The following ZNF90 variants were observed in gnomAD, a reference collection of about 807,000 sequenced individuals.
ZNF90 encodes the protein zinc finger protein 90, also known as zinc finger protein HTF9.
In ZNF90, 11 loss-of-function variants were observed where a neutral mutation model predicts 12.0. That is an observed-to-expected ratio of 0.92 (90% confidence interval 0.58 to 1.52). The LOEUF is 1.52. Among genes scored for constraint, ZNF90 ranks in the 40% most tolerant of loss-of-function variants. The pLI, the probability that ZNF90 is intolerant of heterozygous loss-of-function variation, is 0.00. For missense variants in ZNF90, 765 were observed against 711.5 expected (o/e 1.08, Z -0.86); for synonymous variants, 232 against 240.1 (o/e 0.97, Z 0.31).
intron 1 of ZNF90, among the ~76,000 whole-genome samples, chr19:20,079,306 G>C (rs1034520915): frequency 7.4e-6 from 1 of 135,950 alleles, no homozygotes; most frequent in Non-Finnish European, 1.6e-5. Context: ...CAAAAGGAGG[G>C]TTTTTTTTTT....
chr19:20,102,957 T>A (rs1036658733), intron 1 of ZNF90, among the ~76,000 whole-genome samples: 29 of 152,350 alleles, frequency 1.9e-4, no homozygotes, highest in African/African-American at 7.0e-4. Flanking sequence ...GTATAAAACA[T>A]GTTCCTTTAT....
chr19:20,118,322 G>A lies in ZNF90; in HGVS notation c.768G>A (p.Arg256=), dbSNP rs1555705981. 4 of 1,559,144 alleles carry A rather than the reference G, an allele frequency of 2.6e-6. No individual in the cohort carries two copies. The highest frequency in any genetic ancestry group is 2.6e-6 in the Non-Finnish European group (3 of 1,151,648). Residue 256 remains arginine, a synonymous_variant, in exon 4 of 4, where the codon CGG becomes CGA. Coordinates refer to ENST00000418063, the MANE Select transcript of ZNF90 (RefSeq NM_007138.2). ...AHKRIHTGEK[R]YKCEDCGKEL... ...AGAGAATTCATACTGGAGAGAAACG[G>A]TACAAATGTGAAGATTGTGGCAAAG...
At chr19:20,082,784 T>C (rs782022644) in intron 1 of ZNF90, among the ~76,000 whole-genome samples, 1 of 152,146 alleles carries the variant, frequency 6.6e-6, no homozygotes, top group Non-Finnish European at 1.5e-5. Flanking sequence ...GGAGGATTAG[T>C]AAAAGAGAAA....
chr19:20,089,747 TG>T (rs2088887337), intron 1 of ZNF90, among the ~76,000 whole-genome samples: 1 of 152,042 alleles, frequency 6.6e-6, no homozygotes, highest in Admixed American at 6.6e-5. Flanking sequence ...AGGGTAAAGT[TG>T]AGGGCTGTTA....
intron 3 of ZNF90, among the ~76,000 whole-genome samples, chr19:20,115,955 C>T (rs1024026403): frequency 3.3e-5 from 5 of 152,048 alleles, no homozygotes; most frequent in African/African-American, 1.2e-4. Flanking sequence ...CTGACTGCAA[C>T]CTCTGCCTCC....
At chr19:20,099,509 G>A (rs782028065) in intron 1 of ZNF90, among the ~76,000 whole-genome samples, 1 of 152,176 alleles carries the variant, frequency 6.6e-6, no homozygotes, top group Admixed American at 6.5e-5. Flanking sequence ...GTATGGTAAT[G>A]AAGATTTAAA....
At chr19:20,091,349 G>C (rs578170480) in intron 1 of ZNF90, among the ~76,000 whole-genome samples, 27 of 152,236 alleles carry the variant, frequency 1.8e-4, no homozygotes, top group African/African-American at 6.3e-4. Context: ...GGAAATGAGA[G>C]GTTCTAAGAG....
At chr19:20,080,385 T>C (rs915571853) in intron 1 of ZNF90, 9 of 421,584 alleles carry the variant, frequency 2.1e-5, no homozygotes, top group African/African-American at 1.9e-4. Flanking sequence ...GTATTTCTTC[T>C]TACCTCCCCA....
At chr19:20,103,548 C>T (rs2089006644) in intron 1 of ZNF90, among the ~76,000 whole-genome samples, 2 of 152,174 alleles carry the variant, frequency 1.3e-5, no homozygotes, top group Admixed American at 6.5e-5. Context: ...ATTTCTTTCA[C>T]TATAGAGTTA....
intron 1 of ZNF90, among the ~76,000 whole-genome samples, chr19:20,093,489 G>A (rs892696318): frequency 1.3e-5 from 2 of 152,112 alleles, no homozygotes; most frequent in African/African-American, 4.8e-5. Flanking sequence ...ATGAGAGGAA[G>A]ATGCGAAGGA....
At chr19:20,106,549 G>A (rs1568289234) in intron 3 of ZNF90, among the ~76,000 whole-genome samples, 1 of 152,180 alleles carries the variant, frequency 6.6e-6, no homozygotes. Flanking sequence ...CGCCTCCCAG[G>A]TTCACGCCAT....
Position 20,104,242 on chromosome 19 carries a change from C to T in ZNF90, c.7C>T (p.Pro3Ser), listed in dbSNP as rs1328585234. 3.7e-6 allele frequency: 6 copies of T among 1,613,644 alleles called. No individual in the cohort carries two copies. Among genetic ancestry groups the T allele is most frequent in the Non-Finnish European group, 4.2e-6 (5 of 1,179,838 alleles). ...TGTGTATATGTGTGTTTTTCAGGGA[C>T]CATTGGAATTTAGAGATGTGGCCAT... MG[P>S]LEFRDVAIEF... is the part of the protein sequence containing the mutation. The change falls in exon 2 of 4, where the codon CCA becomes TCA. Residue 3 changes from proline (P) to serine (S), a missense_variant. By Grantham distance (74) the Pro-to-Ser change is moderately conservative (BLOSUM62 -1). Coordinates refer to ENST00000418063, the MANE Select transcript of ZNF90 (RefSeq NM_007138.2).
intron 1 of ZNF90, among the ~76,000 whole-genome samples, chr19:20,085,700 A>G (rs2088854341): frequency 1.3e-5 from 2 of 152,356 alleles, no homozygotes; most frequent in South Asian, 4.1e-4. Flanking sequence ...GAAAACTTCC[A>G]AAAATGTTTT....
In ZNF90 at chr19:20,118,491, T is replaced by A. The variant is rs1555706036; in HGVS notation, c.937T>A (p.Tyr313Asn). Residue 313 changes from tyrosine to asparagine, a missense_variant, in exon 4 of 4, where the codon TAC becomes AAC. Transcript: ENST00000418063. ...HKISHTEEKPYKCEECGKAFK... is the reference protein window; with the variant it reads ...HKISHTEEKPNKCEECGKAFK... Reference sequence around the variant, plus strand: ...GATAAGTCATACTGAAGAGAAACCCTACAAATGTGAAGAATGTGGCAAAGC... The same window carrying A: ...GATAAGTCATACTGAAGAGAAACCCAACAAATGTGAAGAATGTGGCAAAGC... 2 of 1,613,734 alleles carry A rather than the reference T, an allele frequency of 1.2e-6. No individual in the cohort carries two copies. The highest frequency in any genetic ancestry group is 1.7e-5 in the Admixed American group (1 of 59,946).
intron 1 of ZNF90, among the ~76,000 whole-genome samples, chr19:20,082,642 C>T (rs528135804): frequency 2.0e-5 from 3 of 152,284 alleles, no homozygotes; most frequent in Middle Eastern, 3.4e-3. Context: ...TGGAAGGCCG[C>T]AGGGACCTCT....
chr19:20,119,334 A>T lies in ZNF90; in HGVS notation c.1780A>T (p.Ile594Leu), dbSNP rs1158348768. The change falls in exon 4 of 4, where the codon ATA becomes TTA. Residue 594 changes from isoleucine to leucine, a missense_variant. Ile to Leu is a conservative substitution (Grantham distance 5, BLOSUM62 2). Coordinates refer to ENST00000418063, the MANE Select transcript of ZNF90 (RefSeq NM_007138.2). ...GATTCATATTGGACAGAAAGCCTAC[A>T]TAGTGAAGAACATGGCAAATCTTTG... ...KRIHIGQKAY[I>L]VKNMANL 9 of 1,596,996 alleles carry T rather than the reference A, an allele frequency of 5.6e-6. No individual in the cohort carries two copies. In the Admixed American group the frequency reaches 1.6e-4, roughly 28 times the overall value.
At chr19:20,109,631 C>T (rs1549929) in intron 3 of ZNF90, among the ~76,000 whole-genome samples, 152,035 of 152,066 alleles carry the variant, frequency 1, 76,002 homozygotes, top group Middle Eastern at 1. Flanking sequence ...CCCAGGACTT[C>T]GGGAGGCCAA....
At chr19:20,083,338 G>GT (rs1214025553) in intron 1 of ZNF90, among the ~76,000 whole-genome samples, 5 of 150,950 alleles carry the variant, frequency 3.3e-5, no homozygotes, top group Non-Finnish European at 5.9e-5. Context: ...TTTTTGTTTT[G>GT]TTTTTTGAGA....
intron 3 of ZNF90, among the ~76,000 whole-genome samples, chr19:20,113,351 C>A (rs1725933): frequency 6.6e-6 from 1 of 151,816 alleles, no homozygotes; most frequent in African/African-American, 2.4e-5. Context: ...CTACAACGCC[C>A]GCCTAATTTC....
Sources: gnomAD v4.1 joint callset for allele counts (sites outside exome capture counted in the v4.1 genomes callset) on GRCh38, gnomAD v4.1.1 for gene constraint, MANE v1.5 for transcripts, NCBI Gene and HGNC (gene_info 2026-07-23, HGNC 2026-07-21) for gene names.